The following TNRC6A variants were observed in gnomAD, a reference collection of about 807,000 sequenced individuals.
The protein encoded by TNRC6A is trinucleotide repeat containing adaptor 6A.
TNRC6A carries 44 observed loss-of-function variants against 221.2 expected under a neutral mutation model. That is an observed-to-expected ratio of 0.20 (90% confidence interval 0.16 to 0.26). The LOEUF (loss-of-function observed/expected upper bound fraction) is 0.26. Among genes scored for constraint, TNRC6A ranks in the 10% least tolerant of loss-of-function variants. The pLI, the probability that TNRC6A is intolerant of heterozygous loss-of-function variation, is 1.00. For missense variants in TNRC6A, 2,199 were observed against 2,404.4 expected, an observed-to-expected ratio of 0.91 and a Z score of 1.79; for synonymous variants, 847 against 838.5, an observed-to-expected ratio of 1.01 and a Z score of -0.18.
rs1337203936 is a variant in TNRC6A, at chr16:24,789,794, A to G, written c.1152A>G (p.Val384=). The change falls in exon 6 of 25, where the codon GTA becomes GTG. Residue 384 remains valine (V), a synonymous_variant. Transcript: ENST00000395799. ...ENNGLALKGP[V]GSGSSGINIQ... ...ATGGACTTGCCCTAAAAGGGCCTGTAGGGAGTGGTAGTTCTGGCATTAATA... is the reference window on the plus strand; with the variant it reads ...ATGGACTTGCCCTAAAAGGGCCTGTGGGGAGTGGTAGTTCTGGCATTAATA... 1.9e-6 allele frequency: 3 copies of G among 1,614,196 alleles called. No homozygotes were observed. Among genetic ancestry groups the G allele is most frequent in the Non-Finnish European group, 2.5e-6 (3 of 1,180,010 alleles).
intron 2 of TNRC6A, among the ~76,000 whole-genome samples, chr16:24,670,645 T>C (rs901956040): frequency 6.6e-5 from 10 of 152,110 alleles, no homozygotes; most frequent in Non-Finnish European, 1.2e-4. Flanking sequence ...GCCCCACCTG[T>C]GCCCTGCCCA....
In TNRC6A at chr16:24,823,706, G is replaced by A. The variant is rs755103013; in HGVS notation, c.5788G>A (p.Gly1930Ser). Reference protein sequence around the residue: ...GTPHYSTSLWGPPSSSDPRGI... With the variant: ...GTPHYSTSLWSPPSSSDPRGI... ...CCCGCATTATTCCACAAGCCTGTGG[G>A]GTCCCCCAAGCAGCAGCGACCCCCG... The change falls in exon 25 of 25, where the codon GGT becomes AGT. Residue 1930 changes from glycine (G) to serine (S), a missense_variant. Transcript: ENST00000395799. The surrounding 1 kb of genome is among the most constrained non-coding windows in gnomAD (Gnocchi z 4.3). 1.3e-6 allele frequency: 2 copies of A among 1,578,896 alleles called. No homozygotes were observed. The highest frequency in any genetic ancestry group is 4.6e-5 in the East Asian group (2 of 43,700).
At chr16:24,738,634 G>T (rs2056824367) in intron 2 of TNRC6A, among the ~76,000 whole-genome samples, 1 of 152,062 alleles carries the variant, frequency 6.6e-6, no homozygotes, top group South Asian at 2.1e-4. Flanking sequence ...TCCTTTTTAT[G>T]GGCAAATAAA....
intron 3 of TNRC6A, among the ~76,000 whole-genome samples, chr16:24,752,095 T>A (rs2057150195): frequency 6.6e-6 from 1 of 152,146 alleles, no homozygotes; most frequent in African/African-American, 2.4e-5. Context: ...TGAAAATGTT[T>A]TAGTAGAGTG....
chr16:24,664,453 T>C (rs2055102916), intron 2 of TNRC6A, among the ~76,000 whole-genome samples: 1 of 144,078 alleles, frequency 6.9e-6, no homozygotes, highest in Non-Finnish European at 1.5e-5. Context: ...AAAAATAATA[T>C]ATTTTATTTT....
At chr16:24,639,252 AG>A (rs1901802213) in intron 1 of TNRC6A, among the ~76,000 whole-genome samples, 1 of 152,310 alleles carries the variant, frequency 6.6e-6, no homozygotes, top group East Asian at 1.9e-4. Context: ...TAGGAGGCCG[AG>A]GCAGGAGAAT....
intron 2 of TNRC6A, among the ~76,000 whole-genome samples, chr16:24,739,958 TTTGAG>T (rs1359144675): frequency 1.3e-5 from 2 of 152,254 alleles, no homozygotes; most frequent in African/African-American, 2.4e-5. Context: ...TGTAATTCAT[TTTGAG>T]TTAAGTTTTG....
intron 5 of TNRC6A, among the ~76,000 whole-genome samples, chr16:24,777,594 T>A (rs35560136): frequency 0.15 from 23,427 of 152,154 alleles, 1,936 homozygotes; most frequent in Middle Eastern, 0.2. Flanking sequence ...CCCATTTTAA[T>A]AAGGAGCTTA....
intron 15 of TNRC6A, 123 bp from the exon 16 acceptor site, chr16:24,806,083 C>T: frequency 9.7e-7 from 1 of 1,027,140 alleles, no homozygotes; most frequent in South Asian, 1.6e-5. Flanking sequence ...CTAGATAATG[C>T]TAGACATGTT....
intron 2 of TNRC6A, among the ~76,000 whole-genome samples, chr16:24,730,612 G>T (rs2056610894): frequency 6.6e-6 from 1 of 152,082 alleles, no homozygotes; most frequent in African/African-American, 2.4e-5. Flanking sequence ...ATGGTTGCAG[G>T]CATTGTGTGA....
intron 8 of TNRC6A, 172 bp from the exon 9 acceptor site, chr16:24,795,735 C>G (rs2058205230): frequency 1.9e-6 from 1 of 516,716 alleles, no homozygotes; most frequent in East Asian, 3.0e-5. Flanking sequence ...ATCCTCACAA[C>G]CATCTAAGAT....
In TNRC6A at chr16:24,768,138, A is replaced by T. The variant is rs1164464348; in HGVS notation, c.164-8795A>T. 2.0e-5 allele frequency among the ~76,000 whole-genome samples: 3 copies of T among 152,284 alleles called. No individual in the cohort carries two copies. The East Asian group carries it at 5.8e-4, about 29-fold the overall frequency. On this transcript the variant is annotated intron_variant, in intron 4 of 24. Coordinates refer to ENST00000395799, the MANE Select transcript of TNRC6A (RefSeq NM_014494.4). ...GGCAATCTGAATTTTTTTCTTTTAAAAAGTGTGCCTGGGCCGGGCGCGGTG... is the reference window on the plus strand; with the variant it reads ...GGCAATCTGAATTTTTTTCTTTTAATAAGTGTGCCTGGGCCGGGCGCGGTG...
chr16:24,681,941 A>T (rs1007474141), intron 2 of TNRC6A, among the ~76,000 whole-genome samples: 1 of 152,198 alleles, frequency 6.6e-6, no homozygotes, highest in Non-Finnish European at 1.5e-5. Flanking sequence ...CTCTGTATTT[A>T]GCTTGTACTA....
intron 2 of TNRC6A, among the ~76,000 whole-genome samples, chr16:24,675,946 C>T (rs531607495): frequency 2.0e-4 from 31 of 151,440 alleles, no homozygotes; most frequent in African/African-American, 7.3e-4. Flanking sequence ...CTACTCTTTT[C>T]CCACTTGTCC....
chr16:24,793,155 A>G (rs2058145799), intron 6 of TNRC6A, among the ~76,000 whole-genome samples: 1 of 152,220 alleles, frequency 6.6e-6, no homozygotes. Flanking sequence ...GGTTTGGTTT[A>G]GAATGACTTG....
intron 2 of TNRC6A, among the ~76,000 whole-genome samples, chr16:24,682,116 T>C (rs2055543566): frequency 6.6e-6 from 1 of 152,262 alleles, no homozygotes; most frequent in South Asian, 2.1e-4. Flanking sequence ...CTGGGCAGAA[T>C]GCACACAGTC....
At position 24,730,288 on chromosome 16, in the gene TNRC6A, G is replaced by T; in HGVS notation, c.41G>T (p.Arg14Ile). The stretch of plus-strand genomic sequence containing the variant: ...GCTAAAGCTACCAAAGACGTAGAAA[G>T]AAATCTTAGCAGGTAAGATGGGCGA... ...LEAKATKDVE[R>I]NLSRDLVQEE... The change falls in exon 2 of 25, where the codon AGA becomes ATA. Residue 14 changes from arginine to isoleucine, a missense_variant. Physicochemically the swap from Arg to Ile is moderately conservative, Grantham distance 97 (BLOSUM62 -3). Coordinates refer to ENST00000395799, the MANE Select transcript of TNRC6A (RefSeq NM_014494.4). 1 of 1,602,870 alleles carries T rather than the reference G, an allele frequency of 6.2e-7. No individual in the cohort carries two copies. Among genetic ancestry groups the T allele is most frequent in the Non-Finnish European group, 8.5e-7 (1 of 1,175,834 alleles).
Position 24,791,009 on chromosome 16 carries a change from T to C in TNRC6A, c.2367T>C (p.Ala789=). ...CAGGGTGGGGCGATCCCAAACCTGC[T>C]CTGAGGTGGGGAGATTCCAAAGGCT... is the stretch of plus-strand genomic sequence containing the variant. ...SVSGWGDPKP[A]LRWGDSKGSN... The change falls in exon 6 of 25, where the codon GCT becomes GCC. Residue 789 remains alanine (A), a synonymous_variant. Coordinates refer to ENST00000395799, the MANE Select transcript of TNRC6A (RefSeq NM_014494.4). 1.9e-6 allele frequency: 3 copies of C among 1,592,800 alleles called. No individual in the cohort carries two copies. Among genetic ancestry groups the C allele is most frequent in the Non-Finnish European group, 2.6e-6 (3 of 1,169,444 alleles).
chr16:24,623,190 T>TTTATTTATTTACTTAC (rs367608685), intron 1 of TNRC6A, among the ~76,000 whole-genome samples: 6 of 147,896 alleles, frequency 4.1e-5, no homozygotes, highest in African/African-American at 1.3e-4. Flanking sequence ...TATTTATTTA[T>TTTATTTATTTACTTAC]TTACTTATTT....
Sources: allele counts gnomAD v4.1 joint callset (sites outside exome capture counted in the v4.1 genomes callset), GRCh38; gene constraint gnomAD v4.1.1; non-coding constraint Gnocchi (gnomAD v3.1); transcripts MANE v1.5; gene names NCBI Gene and HGNC (gene_info 2026-07-23, HGNC 2026-07-21).